TC2N: variants seen among roughly 807,000 people sequenced by gnomAD.
TC2N encodes tandem C2 domains, nuclear, also known as tandem C2 domains nuclear protein.
A neutral mutation model predicts 61.9 loss-of-function variants in TC2N; 51 were observed. The observed-to-expected ratio is 0.82, with a 90% confidence interval of 0.66 to 1.04. The LOEUF is 1.04. TC2N is among the 50% of genes least tolerant of loss of function. TC2N has a pLI of 0.00. For missense variants in TC2N, 556 were observed against 566.7 expected (o/e 0.98, Z 0.19); for synonymous variants, 204 against 192.6 (o/e 1.06, Z -0.49).
intron 1 of TC2N, among the ~76,000 whole-genome samples, chr14:91,840,939 C>T (rs1888152541): frequency 6.6e-6 from 1 of 152,160 alleles, no homozygotes; most frequent in Admixed American, 6.5e-5. Context: ...AAAGCCCTTC[C>T]TCAAAACACC....
chr14:91,849,137 T>G (rs1329382424), intron 1 of TC2N, among the ~76,000 whole-genome samples: 2 of 152,022 alleles, frequency 1.3e-5, no homozygotes, highest in Non-Finnish European at 2.9e-5. Flanking sequence ...AGACTCAGAG[T>G]CGACATCTGC....
intron 1 of TC2N, among the ~76,000 whole-genome samples, chr14:91,822,150 T>G (rs1156433043): frequency 1.3e-5 from 2 of 152,208 alleles, no homozygotes; most frequent in African/African-American, 2.4e-5. Flanking sequence ...TTACTACATA[T>G]TTACTTAAGA....
At chr14:91,835,955 TC>T (rs1447021796) in intron 1 of TC2N, among the ~76,000 whole-genome samples, 1 of 151,754 alleles carries the variant, frequency 6.6e-6, no homozygotes, top group African/African-American at 2.4e-5. Context: ...CGGTCACGGG[TC>T]CCCCTAGGCA....
At chr14:91,844,405 C>T (rs141038538) in intron 1 of TC2N, among the ~76,000 whole-genome samples, 1 of 152,250 alleles carries the variant, frequency 6.6e-6, no homozygotes, top group East Asian at 1.9e-4. Context: ...TGCCCACAGA[C>T]TCACACACCC....
intron 1 of TC2N, among the ~76,000 whole-genome samples, chr14:91,849,581 A>G (rs746200912): frequency 9.2e-5 from 14 of 152,246 alleles, no homozygotes; most frequent in Admixed American, 2.6e-4. Flanking sequence ...AAGTTAATAC[A>G]TGTTTAGTTC....
At position 91,806,605 on chromosome 14, in the gene TC2N, A is replaced by G. The variant is rs144565962; in HGVS notation, c.302-4184T>C. On this transcript the variant is annotated intron_variant, in intron 3 of 11. Coordinates refer to ENST00000435962, the MANE Select transcript of TC2N (RefSeq NM_001128596.3). ...ATTTCCGAAACTTTGAACTTGAGGGAGATGATTTAGGGTATCTGGTGGAAG... is the reference window on the plus strand; with the variant it reads ...ATTTCCGAAACTTTGAACTTGAGGGGGATGATTTAGGGTATCTGGTGGAAG... Among the ~76,000 whole-genome samples the G allele has an allele frequency of 3.3e-3, 497 of 152,260 alleles. 2 individuals carry two copies. The highest frequency in any genetic ancestry group is 0.011 in the African/African-American group (476 of 41,552).
intron 1 of TC2N, among the ~76,000 whole-genome samples, chr14:91,843,447 C>T (rs1242565879): frequency 6.6e-6 from 1 of 152,120 alleles, no homozygotes; most frequent in Non-Finnish European, 1.5e-5. Context: ...ATACAATTCA[C>T]TTGAAATTTT....
intron 5 of TC2N, among the ~76,000 whole-genome samples, 190 bp downstream of exon 5, chr14:91,800,091 C>T (rs957649064): frequency 6.6e-6 from 1 of 151,974 alleles, no homozygotes; most frequent in Non-Finnish European, 1.5e-5. Context: ...AAACTACTGC[C>T]TTTTAGCAAT....
In TC2N at chr14:91,798,300, T is replaced by A. The variant is rs1195640609; in HGVS notation, c.737A>T (p.Gln246Leu). ...SVEQIWITVL[Q>L]CRDLSWPSSY... ...CTGGTATTAACTATACTAATTTACC[T>A]GTAAAACTGTGATCCAGATCTGTTC... is the stretch of plus-strand genomic sequence containing the variant. The change falls in exon 7 of 12, where the codon CAG becomes CTG. Residue 246 changes from glutamine (Q) to leucine (L), a missense_variant and splice_region_variant. By Grantham distance (113) the Gln-to-Leu change is moderately radical. Coordinates refer to ENST00000435962, the MANE Select transcript of TC2N (RefSeq NM_001128596.3). 6.7e-7 allele frequency: 1 copy of A among 1,485,272 alleles called. No homozygotes were observed. Among genetic ancestry groups the A allele is most frequent in the East Asian group, 2.3e-5 (1 of 42,876 alleles). The allele number at this position is 1,485,272 out of a possible 1,614,324, so 92.0% of individuals were successfully genotyped here.
chr14:91,820,065 G>A, intron 1 of TC2N, among the ~76,000 whole-genome samples: 1 of 152,104 alleles, frequency 6.6e-6, no homozygotes, highest in Non-Finnish European at 1.5e-5. Flanking sequence ...AGAATCACAA[G>A]TGTGAATACT....
At chr14:91,814,920 T>C (rs1886942936) in intron 1 of TC2N, among the ~76,000 whole-genome samples, 1 of 151,568 alleles carries the variant, frequency 6.6e-6, no homozygotes, top group African/African-American at 2.4e-5. Flanking sequence ...TCACAATGTA[T>C]AGGCACTTCA....
intron 1 of TC2N, among the ~76,000 whole-genome samples, chr14:91,852,661 A>G (rs1888398567): frequency 6.6e-6 from 1 of 152,244 alleles, no homozygotes; most frequent in South Asian, 2.1e-4. Flanking sequence ...TAGCTTGACC[A>G]GTAAACCATA....
intron 1 of TC2N, among the ~76,000 whole-genome samples, chr14:91,845,227 A>C (rs1888247113): frequency 7.7e-6 from 1 of 129,264 alleles, no homozygotes; most frequent in East Asian, 2.2e-4. Flanking sequence ...GTGAAACTCC[A>C]TCTCAAAATA....
intron 4 of TC2N, among the ~76,000 whole-genome samples, chr14:91,801,747 T>C (rs1886260346): frequency 6.6e-6 from 1 of 152,210 alleles, no homozygotes; most frequent in South Asian, 2.1e-4. Flanking sequence ...TTTTTTCCCT[T>C]GTACCTGGTA....
intron 3 of TC2N, among the ~76,000 whole-genome samples, chr14:91,806,525 G>C (rs1465055188): frequency 6.6e-6 from 1 of 152,144 alleles, no homozygotes; most frequent in Non-Finnish European, 1.5e-5. Context: ...CAGTAAAAGT[G>C]GCTCTTGCTA....
At chr14:91,830,461 T>C (rs1230863276) in intron 1 of TC2N, among the ~76,000 whole-genome samples, 1 of 152,164 alleles carries the variant, frequency 6.6e-6, no homozygotes, top group Non-Finnish European at 1.5e-5. Flanking sequence ...AGACCACATA[T>C]TGTGTGATTC....
intron 9 of TC2N, among the ~76,000 whole-genome samples, chr14:91,790,741 T>G (rs745999706): frequency 6.6e-6 from 1 of 152,134 alleles, no homozygotes; most frequent in Admixed American, 6.5e-5. Flanking sequence ...CTGTAAACTA[T>G]GGCTGCAGAT....
chr14:91,804,511 A>G (rs1229265397), intron 3 of TC2N, among the ~76,000 whole-genome samples: 3 of 152,232 alleles, frequency 2.0e-5, no homozygotes, highest in Admixed American at 6.5e-5. Flanking sequence ...TGCTACACAG[A>G]AACACTACTG....
At chr14:91,787,935 T>C (rs1246212708) in intron 9 of TC2N, among the ~76,000 whole-genome samples, 1 of 151,984 alleles carries the variant, frequency 6.6e-6, no homozygotes, top group Non-Finnish European at 1.5e-5. Flanking sequence ...AAAATGCCAG[T>C]GAAATTAACA....
Sources: gnomAD v4.1 joint callset for allele counts (sites outside exome capture counted in the v4.1 genomes callset) on GRCh38, gnomAD v4.1.1 for gene constraint, MANE v1.5 for transcripts, NCBI Gene and HGNC (gene_info 2026-07-23, HGNC 2026-07-21) for gene names.